Variants in DPP8 observed in about 807,000 individuals in gnomAD.
The protein encoded by DPP8 is dipeptidyl peptidase 8, also known as DPP VIII.
A neutral mutation model predicts 107.5 loss-of-function variants in DPP8; 31 were observed. That is an observed-to-expected ratio of 0.29 (90% CI 0.22 to 0.39). The LOEUF is 0.39. Ranked by LOEUF, DPP8 falls within the 10% of genes least tolerant of loss-of-function variation. The pLI, the probability that DPP8 is intolerant of heterozygous loss-of-function variation, is 1.00. For missense variants in DPP8, 842 were observed against 1,076.1 expected, an observed-to-expected ratio of 0.78 and a Z score of 3.04; for synonymous variants, 381 against 356.6, an observed-to-expected ratio of 1.07 and a Z score of -0.77.
intron 1 of DPP8, chr15:65,515,772 C>T: frequency 7.6e-7 from 1 of 1,323,914 alleles, no homozygotes; most frequent in Non-Finnish European, 1.1e-6. Context: ...AGGAATCTTT[C>T]CTTTCCTCAC....
intron 2 of DPP8, among the ~76,000 whole-genome samples, chr15:65,511,358 G>A (rs1019041794): frequency 5.9e-5 from 9 of 151,418 alleles, no homozygotes; most frequent in East Asian, 3.9e-4. Flanking sequence ...TTGTGGCAGC[G>A]TGTGACCATT....
At chr15:65,461,841 C>T (rs1052027524) in intron 15 of DPP8, among the ~76,000 whole-genome samples, 3 of 151,624 alleles carry the variant, frequency 2.0e-5, no homozygotes, top group East Asian at 1.9e-4. Flanking sequence ...CCTCATGATC[C>T]GCCTGCCTTG....
In DPP8 at chr15:65,497,857, G is replaced by A. The variant is rs773483743; in HGVS notation, c.715+7C>T. Reference sequence around the variant, plus strand: ...CAGAAAAGTAAATCTGAAGAACTACGCCTTACCATTGTGCACATAAGTGAG... The same window carrying A: ...CAGAAAAGTAAATCTGAAGAACTACACCTTACCATTGTGCACATAAGTGAG... On this transcript the variant is annotated splice_region_variant and intron_variant, in intron 5 of 19. Transcript: ENST00000300141. 25 of 1,465,318 alleles carry A rather than the reference G, an allele frequency of 1.7e-5. No homozygotes were observed. The highest frequency in any genetic ancestry group is 1.8e-4 in the Middle Eastern group (1 of 5,554). The allele number at this position is 1,465,318 out of a possible 1,614,324, so 90.8% of individuals were successfully genotyped here.
intron 6 of DPP8, among the ~76,000 whole-genome samples, chr15:65,488,718 A>G (rs976274929): frequency 1.3e-5 from 2 of 151,670 alleles, no homozygotes; most frequent in African/African-American, 4.8e-5. Context: ...TTTCAGTTTT[A>G]TCTATACAGT....
At chr15:65,473,067 G>A (rs961937641) in intron 12 of DPP8, among the ~76,000 whole-genome samples, 5 of 151,928 alleles carry the variant, frequency 3.3e-5, no homozygotes, top group South Asian at 2.1e-4. Context: ...TGAGCAGGAC[G>A]CAGTGGCTCA....
intron 5 of DPP8, among the ~76,000 whole-genome samples, chr15:65,494,617 C>T (rs1457939649): frequency 8.6e-6 from 1 of 116,580 alleles, no homozygotes; most frequent in Non-Finnish European, 1.6e-5. Context: ...CTGCAGTGAG[C>T]CAATAGGAGA....
At chr15:65,463,648 A>T in intron 15 of DPP8, 113 bp downstream of exon 15, 1 of 905,314 alleles carries the variant, frequency 1.1e-6, no homozygotes, top group Non-Finnish European at 1.6e-6. Context: ...AGTCATTAAA[A>T]GCAAATGCCC....
At chr15:65,485,011 A>G in intron 8 of DPP8, 88 bp downstream of exon 8, 1 of 1,094,480 alleles carries the variant, frequency 9.1e-7, no homozygotes, top group South Asian at 1.3e-5. Flanking sequence ...CAGCAAGTCC[A>G]AAAATAAAAA....
At chr15:65,452,691 G>T (rs542365194) in intron 17 of DPP8, among the ~76,000 whole-genome samples, 1 of 152,160 alleles carries the variant, frequency 6.6e-6, no homozygotes, top group African/African-American at 2.4e-5. Context: ...AAAATTAATG[G>T]TCAGGTGCAA....
chr15:65,510,047 C>T (rs1596144178), intron 2 of DPP8, among the ~76,000 whole-genome samples: 1 of 151,956 alleles, frequency 6.6e-6, no homozygotes, highest in Non-Finnish European at 1.5e-5. Flanking sequence ...CAAAAAAGGC[C>T]AGGTGCAGTG....
rs191118021 is a variant in DPP8, at chr15:65,497,856, C to G, written c.715+8G>C. On this transcript the variant is annotated splice_region_variant and intron_variant, in intron 5 of 19. Transcript: ENST00000300141. ...TCAGAAAAGTAAATCTGAAGAACTACGCCTTACCATTGTGCACATAAGTGA... is the reference window on the plus strand; with the variant it reads ...TCAGAAAAGTAAATCTGAAGAACTAGGCCTTACCATTGTGCACATAAGTGA... The G allele has an allele frequency of 2.0e-6, 3 of 1,464,462 alleles. No individual in the cohort carries two copies. Among genetic ancestry groups the G allele is most frequent in the Non-Finnish European group, 2.7e-6 (3 of 1,093,616 alleles). 90.7% of individuals were successfully genotyped at this position (1,464,462 alleles called of 1,614,324 possible).
Position 65,500,798 on chromosome 15 carries a change from C to T in DPP8, c.373-19G>A, listed in dbSNP as rs751483735. 1 of 1,584,318 alleles carries T rather than the reference C, an allele frequency of 6.3e-7. No individual in the cohort carries two copies. The highest frequency in any genetic ancestry group is 2.3e-5 in the East Asian group (1 of 44,110). ...GTGTTGCCTAATGTGAAAGGAAAGT[C>T]ACCTATTCCAGTCTTCTGAAAAACC... On this transcript the variant is annotated intron_variant, in intron 3 of 19. Coordinates refer to ENST00000300141, the MANE Select transcript of DPP8 (RefSeq NM_130434.5).
chr15:65,461,202 C>T (rs572877912), intron 15 of DPP8, among the ~76,000 whole-genome samples: 10 of 152,176 alleles, frequency 6.6e-5, no homozygotes, highest in African/African-American at 1.9e-4. Context: ...TGGAGTATAG[C>T]GGCATGATTA....
chr15:65,470,605 CAAA>C (rs3082806), intron 12 of DPP8, among the ~76,000 whole-genome samples: 12 of 104,876 alleles, frequency 1.1e-4, no homozygotes, highest in Non-Finnish European at 8.1e-5. Flanking sequence ...AGACTTGTCT[CAAA>C]AAAAAAAAAA....
intron 11 of DPP8, among the ~76,000 whole-genome samples, chr15:65,476,470 A>G (rs1174715966): frequency 6.6e-6 from 1 of 152,210 alleles, no homozygotes; most frequent in Non-Finnish European, 1.5e-5. Flanking sequence ...TTGGAGCAAG[A>G]AAGACTAAGA....
At chr15:65,496,550 A>T (rs1275804923) in intron 5 of DPP8, among the ~76,000 whole-genome samples, 1 of 152,226 alleles carries the variant, frequency 6.6e-6, no homozygotes, top group Non-Finnish European at 1.5e-5. Context: ...TATCATAGCC[A>T]CTTCAATAAA....
intron 3 of DPP8, chr15:65,502,795 G>C (rs1020834284): frequency 1.3e-5 from 2 of 152,194 alleles, no homozygotes; most frequent in Admixed American, 1.3e-4. Context: ...TGTCACTAAA[G>C]TTGGTATACA....
intron 1 of DPP8, chr15:65,515,605 A>G (rs1596178109): frequency 6.5e-7 from 1 of 1,542,748 alleles, no homozygotes; most frequent in Non-Finnish European, 9.0e-7. Context: ...CAGTGCATAT[A>G]TTTCACTGCC....
Position 65,481,619 on chromosome 15 carries a change from T to C in DPP8, c.1018-4A>G. On this transcript the variant is annotated splice_region_variant and splice_polypyrimidine_tract_variant and intron_variant, in intron 8 of 19. Coordinates refer to ENST00000300141, the MANE Select transcript of DPP8 (RefSeq NM_130434.5). Reference sequence around the variant, plus strand: ...CCTTATCTATGACATCTATGATCTATTAAAAAAGAAAAAAAAAGAATCTAG... The same window carrying C: ...CCTTATCTATGACATCTATGATCTACTAAAAAAGAAAAAAAAAGAATCTAG... 2.2e-6 allele frequency: 3 copies of C among 1,384,048 alleles called. No homozygotes were observed. Among genetic ancestry groups the C allele is most frequent in the Non-Finnish European group, 3.0e-6 (3 of 1,015,724 alleles). 85.7% of individuals were successfully genotyped at this position (1,384,048 alleles called of 1,614,324 possible). A position where few individuals can be genotyped will look rare whatever the true frequency, so the allele number is the denominator to read the frequency against.
Sources: allele counts gnomAD v4.1 joint callset (sites outside exome capture counted in the v4.1 genomes callset), GRCh38; gene constraint gnomAD v4.1.1; transcripts MANE v1.5; gene names NCBI Gene and HGNC (gene_info 2026-07-23, HGNC 2026-07-21).